Variants in FAM135A observed in about 807,000 individuals in gnomAD.
The protein encoded by FAM135A is protein FAM135A.
Under a neutral mutation model 146.8 loss-of-function variants are expected in FAM135A, and 79 were observed. That is an observed-to-expected ratio of 0.54 (90% CI 0.45 to 0.65). The LOEUF (loss-of-function observed/expected upper bound fraction) is 0.65, where lower values mean the gene tolerates loss of function less well. FAM135A is among the 30% of genes least tolerant of loss of function. The probability of loss-of-function intolerance (pLI) is 0.00; values close to 1 mark genes in which losing one functional copy is unlikely to be tolerated. For synonymous variants in FAM135A, 562 were observed against 603.6 expected (o/e 0.93, Z 1.01); for missense variants, 1,623 against 1,758.2 (o/e 0.92, Z 1.38).
chr6:70,551,131 A>C (rs1010899929), intron 20 of FAM135A, among the ~76,000 whole-genome samples: 1 of 152,180 alleles, frequency 6.6e-6, no homozygotes, highest in Non-Finnish European at 1.5e-5. Context: ...ATCAGCAATA[A>C]AACTGTTTTG....
intron 14 of FAM135A, 40 bp from the exon 15 acceptor site, chr6:70,524,302 AC>A: frequency 6.9e-7 from 1 of 1,453,226 alleles, no homozygotes; most frequent in Non-Finnish European, 9.1e-7. Context: ...GAGTTCTCAC[AC>A]CTTGTTTTAA....
intron 5 of FAM135A, among the ~76,000 whole-genome samples, chr6:70,471,519 C>T (rs1781602302): frequency 6.6e-6 from 1 of 151,980 alleles, no homozygotes; most frequent in Non-Finnish European, 1.5e-5. Context: ...AATGAGAACA[C>T]ATGAATACAT....
intron 4 of FAM135A, among the ~76,000 whole-genome samples, chr6:70,432,560 T>C (rs992779745): frequency 1.3e-5 from 2 of 152,176 alleles, no homozygotes; most frequent in African/African-American, 4.8e-5. Flanking sequence ...TCCTTACTTC[T>C]TTATAGCCCC....
At chr6:70,498,325 T>C (rs146800769) in intron 11 of FAM135A, among the ~76,000 whole-genome samples, 30,688 of 151,962 alleles carry the variant, frequency 0.2, 3,387 homozygotes, top group African/African-American at 0.29. Flanking sequence ...GTGATATCCC[T>C]TTTATCATTT....
At chr6:70,442,643 C>A (rs1774828402) in intron 4 of FAM135A, among the ~76,000 whole-genome samples, 1 of 151,848 alleles carries the variant, frequency 6.6e-6, no homozygotes. Context: ...CACTCTGTAC[C>A]CTACTTTTGT....
intron 5 of FAM135A, among the ~76,000 whole-genome samples, chr6:70,475,096 A>G (rs1007953925): frequency 1.6e-4 from 25 of 152,212 alleles, no homozygotes; most frequent in African/African-American, 5.3e-4. Flanking sequence ...CTATTCAGCT[A>G]TGGAAAACTA....
chr6:70,499,620 G>A (rs576592873), intron 11 of FAM135A, among the ~76,000 whole-genome samples: 25 of 152,158 alleles, frequency 1.6e-4, no homozygotes, highest in African/African-American at 5.1e-4. Context: ...GGCTGGTACC[G>A]GTTTTCCTTT....
rs957741874 is a variant in FAM135A, at chr6:70,475,450, A to G, written c.198A>G (p.Leu66=). 3.1e-6 allele frequency: 5 copies of G among 1,603,704 alleles called. No homozygotes were observed. The highest frequency in any genetic ancestry group is 2.2e-5 in the East Asian group (1 of 44,500). ...LAFPASVHDS[L]ICSKTFQILY... ...TTCCAGCCTCAGTTCATGATTCTCT[A>G]ATTTGCAGTAAAACATTTCAAATTT... The change falls in exon 6 of 22, where the codon CTA becomes CTG. Residue 66 remains leucine, a synonymous_variant. Transcript: ENST00000418814.
intron 5 of FAM135A, among the ~76,000 whole-genome samples, chr6:70,452,836 A>T (rs142684189): frequency 2.6e-3 from 390 of 152,310 alleles, no homozygotes; most frequent in African/African-American, 8.9e-3. Context: ...CCATTATATC[A>T]TATAAGATGC....
intron 12 of FAM135A, among the ~76,000 whole-genome samples, chr6:70,515,633 C>T (rs546215493): frequency 1.8e-4 from 28 of 151,886 alleles, no homozygotes; most frequent in African/African-American, 6.5e-4. Flanking sequence ...AGGTAGAGCA[C>T]AGGGGATTTG....
intron 20 of FAM135A, among the ~76,000 whole-genome samples, chr6:70,544,810 GGAGGCTGAGGCAGGT>G (rs968584739): frequency 2.6e-5 from 4 of 151,924 alleles, no homozygotes; most frequent in African/African-American, 9.7e-5. Context: ...CCGTACTTTG[GGAGGCTGAGGCAGGT>G]GGATCACCTG....
chr6:70,499,879 C>A (rs910686719), intron 11 of FAM135A, among the ~76,000 whole-genome samples: 3 of 152,134 alleles, frequency 2.0e-5, no homozygotes, highest in African/African-American at 7.2e-5. Flanking sequence ...TTGTAGGTAA[C>A]CTGACCTTTC....
intron 8 of FAM135A, among the ~76,000 whole-genome samples, chr6:70,479,733 A>T (rs1347474455): frequency 6.6e-6 from 1 of 152,142 alleles, no homozygotes; most frequent in East Asian, 1.9e-4. Context: ...TTTTTAATTT[A>T]TAACATTATC....
intron 16 of FAM135A, among the ~76,000 whole-genome samples, chr6:70,532,285 C>T (rs997510704): frequency 7.2e-5 from 11 of 151,980 alleles, no homozygotes; most frequent in African/African-American, 2.2e-4. Flanking sequence ...GAAACCCATA[C>T]GTAGTTTTTT....
intron 2 of FAM135A, among the ~76,000 whole-genome samples, chr6:70,416,473 G>A (rs1192065755): frequency 4.6e-5 from 7 of 152,110 alleles, no homozygotes; most frequent in Non-Finnish European, 7.4e-5. Flanking sequence ...AAAAGCCAAG[G>A]ATTTCCTTTG....
At chr6:70,547,075 C>G (rs1438739097) in intron 20 of FAM135A, among the ~76,000 whole-genome samples, 1 of 152,048 alleles carries the variant, frequency 6.6e-6, no homozygotes, top group East Asian at 1.9e-4. Flanking sequence ...AACAATATAT[C>G]CTTATTTTAA....
intron 4 of FAM135A, among the ~76,000 whole-genome samples, chr6:70,448,751 T>C (rs780794647): frequency 4.6e-5 from 7 of 152,234 alleles, no homozygotes; most frequent in Non-Finnish European, 1.0e-4. Flanking sequence ...TAACTAAAAG[T>C]ATCCCTTATG....
chr6:70,493,596 C>T (rs915805951), intron 11 of FAM135A, among the ~76,000 whole-genome samples: 4 of 152,168 alleles, frequency 2.6e-5, no homozygotes, highest in East Asian at 1.9e-4. Context: ...TTTGGCAGTA[C>T]GTATCCACAG....
intron 16 of FAM135A, among the ~76,000 whole-genome samples, chr6:70,532,561 A>G (rs1561992669): frequency 6.6e-6 from 1 of 152,184 alleles, no homozygotes; most frequent in Admixed American, 6.5e-5. Context: ...GCCGGGAGTC[A>G]CCAAAGTGAT....
Sources: allele counts gnomAD v4.1 joint callset (sites outside exome capture counted in the v4.1 genomes callset), GRCh38; gene constraint gnomAD v4.1.1; transcripts MANE v1.5; gene names NCBI Gene and HGNC (gene_info 2026-07-23, HGNC 2026-07-21).